C12orf42: variants seen among roughly 807,000 people sequenced by gnomAD.
The protein encoded by C12orf42 is uncharacterized protein C12orf42.
A neutral mutation model predicts 21.6 loss-of-function variants in C12orf42; 25 were observed. That is an observed-to-expected ratio of 1.16 (90% CI 0.84 to 1.62). The LOEUF is 1.62. Among genes scored for constraint, C12orf42 ranks in the 40% most tolerant of loss-of-function variants. C12orf42 has a pLI of 0.00. For synonymous variants in C12orf42, 174 were observed against 175.0 expected (o/e 0.99, Z 0.05); for missense variants, 483 against 459.3 (o/e 1.05, Z -0.47).
chr12:103,488,862 T>A (rs901950790), intron 1 of C12orf42, among the ~76,000 whole-genome samples: 3 of 152,210 alleles, frequency 2.0e-5, no homozygotes, highest in African/African-American at 7.2e-5. Flanking sequence ...AACCTTTTTT[T>A]AAGGGTTTTA....
At chr12:103,166,304 T>A in the C12orf42 span, among the ~76,000 whole-genome samples, 1 of 152,146 alleles carries the variant, frequency 6.6e-6, no homozygotes, top group Non-Finnish European at 1.5e-5. Context: ...AATAGAGGAA[T>A]AATTTAGTGG....
the C12orf42 span, among the ~76,000 whole-genome samples, chr12:103,139,715 G>A: frequency 1.3e-5 from 2 of 152,136 alleles, no homozygotes; most frequent in African/African-American, 4.8e-5. Flanking sequence ...GTACTGGAGG[G>A]CTTAGGGGCT....
intron 4 of C12orf42, among the ~76,000 whole-genome samples, chr12:103,325,030 T>G (rs76819350): frequency 0.017 from 2,590 of 152,290 alleles, 98 homozygotes; most frequent in African/African-American, 0.059. Flanking sequence ...GAGCTCCTGA[T>G]AGTTGGGGTT....
intron 2 of C12orf42, among the ~76,000 whole-genome samples, chr12:103,445,010 T>C (rs1951492188): frequency 6.6e-6 from 1 of 152,008 alleles, no homozygotes; most frequent in African/African-American, 2.4e-5. Flanking sequence ...ACCATAAACA[T>C]AAACATACAT....
At chr12:103,424,658 T>C (rs1048906695) in intron 2 of C12orf42, among the ~76,000 whole-genome samples, 1 of 152,206 alleles carries the variant, frequency 6.6e-6, no homozygotes, top group Non-Finnish European at 1.5e-5. Flanking sequence ...GCTTTTCCCA[T>C]GGTCTTTGCA....
At chr12:103,456,824 G>T (rs575658380) in intron 2 of C12orf42, among the ~76,000 whole-genome samples, 5 of 152,048 alleles carry the variant, frequency 3.3e-5, no homozygotes, top group Admixed American at 6.6e-5. Flanking sequence ...CAATTCAAGG[G>T]TATTTCTTAT....
intron 5 of C12orf42, chr12:103,273,982 C>T (rs1485470265): frequency 2.2e-6 from 1 of 454,580 alleles, no homozygotes; most frequent in Admixed American, 2.4e-5. Context: ...AAAATCCCCC[C>T]AAGAGCACTC....
chr12:103,459,857 G>A (rs534748724), intron 2 of C12orf42, among the ~76,000 whole-genome samples: 2 of 152,284 alleles, frequency 1.3e-5, no homozygotes, highest in Non-Finnish European at 2.9e-5. Context: ...TGCCACAGCT[G>A]AGCTTTACTC....
the C12orf42 span, among the ~76,000 whole-genome samples, chr12:103,100,914 T>C: frequency 6.6e-6 from 1 of 152,194 alleles, no homozygotes; most frequent in African/African-American, 2.4e-5. Context: ...CCTCCCAAGA[T>C]AGTGGTGAGA....
At chr12:103,174,011 T>G in the C12orf42 span, among the ~76,000 whole-genome samples, 1 of 152,336 alleles carries the variant, frequency 6.6e-6, no homozygotes, top group East Asian at 1.9e-4. Context: ...AATTAGAGGC[T>G]ATCTCTCTAG....
chr12:103,061,707 G>A, the C12orf42 span, among the ~76,000 whole-genome samples: 1 of 151,494 alleles, frequency 6.6e-6, no homozygotes, highest in Non-Finnish European at 1.5e-5. Context: ...TCTTTGGTTA[G>A]TGTTTACATA....
intron 5 of C12orf42, among the ~76,000 whole-genome samples, chr12:103,303,556 T>C (rs971975624): frequency 5.9e-5 from 9 of 152,134 alleles, no homozygotes; most frequent in African/African-American, 2.2e-4. Flanking sequence ...ACTCAGATCA[T>C]TCCAAAATTC....
intron 4 of C12orf42, among the ~76,000 whole-genome samples, chr12:103,314,551 T>C (rs1566062917): frequency 6.6e-6 from 1 of 152,150 alleles, no homozygotes; most frequent in Non-Finnish European, 1.5e-5. Context: ...AGAACCTATA[T>C]TTTAGTGAGT....
intron 2 of C12orf42, among the ~76,000 whole-genome samples, chr12:103,452,369 G>A (rs180843788): frequency 9.9e-5 from 15 of 152,042 alleles, no homozygotes; most frequent in African/African-American, 2.9e-4. Flanking sequence ...ACATAAAATC[G>A]TAAATCACAT....
At chr12:103,121,301 G>A in the C12orf42 span, among the ~76,000 whole-genome samples, 6 of 152,304 alleles carry the variant, frequency 3.9e-5, no homozygotes, top group Non-Finnish European at 8.8e-5. Flanking sequence ...ACTACAGATT[G>A]TGATTTACCA....
the C12orf42 span, among the ~76,000 whole-genome samples, chr12:103,056,793 T>G: frequency 6.6e-6 from 1 of 152,172 alleles, no homozygotes; most frequent in Admixed American, 6.5e-5. Context: ...GCTCTAAAAT[T>G]TCCATTTGGT....
the C12orf42 span, among the ~76,000 whole-genome samples, chr12:103,064,389 G>A: frequency 1.3e-5 from 2 of 152,326 alleles, no homozygotes; most frequent in South Asian, 2.1e-4. Context: ...CAGAGGCAAA[G>A]CACCAATCAG....
chr12:103,054,054 A>G, the C12orf42 span, among the ~76,000 whole-genome samples: 2 of 151,824 alleles, frequency 1.3e-5, no homozygotes, highest in South Asian at 2.1e-4. Flanking sequence ...TTCCAAAATC[A>G]TTTTAGTTAA....
intron 2 of C12orf42, among the ~76,000 whole-genome samples, chr12:103,424,557 G>T (rs572670223): frequency 6.6e-6 from 1 of 152,168 alleles, no homozygotes; most frequent in African/African-American, 2.4e-5. Flanking sequence ...CACCTCACCC[G>T]GGAAGTGCAA....
Sources: allele counts gnomAD v4.1 joint callset (sites outside exome capture counted in the v4.1 genomes callset), GRCh38; gene constraint gnomAD v4.1.1; transcripts MANE v1.5; gene names NCBI Gene and HGNC (gene_info 2026-07-23, HGNC 2026-07-21).